The following NTN1 variants were observed in gnomAD, a reference collection of about 807,000 sequenced individuals.
The protein encoded by NTN1 is netrin-1.
NTN1 carries 11 observed loss-of-function variants against 54.2 expected under a neutral mutation model. That is an observed-to-expected ratio of 0.20 (90% CI 0.13 to 0.34). The LOEUF (loss-of-function observed/expected upper bound fraction) is 0.34. Among genes scored for constraint, NTN1 ranks in the 10% least tolerant of loss-of-function variants. The pLI, the probability that NTN1 is intolerant of heterozygous loss-of-function variation, is 1.00. For synonymous variants in NTN1, 371 were observed against 382.0 expected, an observed-to-expected ratio of 0.97 and a Z score of 0.33; for missense variants, 740 against 893.1, an observed-to-expected ratio of 0.83 and a Z score of 2.18.
chr17:9,224,964 C>G lies in NTN1; in HGVS notation c.1486+3722C>G, dbSNP rs919545888. 5.8e-4 allele frequency among the ~76,000 whole-genome samples: 88 copies of G among 152,146 alleles called. 1 individual carries two copies. The highest frequency in any genetic ancestry group is 1.2e-4 in the Non-Finnish European group (8 of 68,038). ...CAGTCCTGGGGGTGGTGTGGTGTTT[C>G]TGGTTCCAGGACTGTTCCTGGGACT... is the stretch of plus-strand genomic sequence containing the variant. On this transcript the variant is annotated intron_variant, in intron 6 of 6. Coordinates refer to ENST00000173229, the MANE Select transcript of NTN1 (RefSeq NM_004822.3).
At chr17:9,074,683 C>T (rs1597478440) in intron 2 of NTN1, among the ~76,000 whole-genome samples, 2 of 152,188 alleles carry the variant, frequency 1.3e-5, no homozygotes, top group Admixed American at 6.5e-5. Flanking sequence ...AGTCTTGTTA[C>T]TTTACGGCCT....
Position 9,155,870 on chromosome 17 carries a change from A to T in NTN1, c.1019-6943A>T, listed in dbSNP as rs559787349. 3.9e-5 allele frequency among the ~76,000 whole-genome samples: 6 copies of T among 152,302 alleles called. No individual in the cohort carries two copies. In the South Asian group the frequency reaches 1.2e-3, roughly 32 times the overall value. On this transcript the variant is annotated intron_variant, in intron 2 of 6. Transcript: ENST00000173229. ...CTGGTTTCTATCCCTGGATGCAAAC[A>T]GCCCCTCCCTCCCCAGTCATGATAA...
At chr17:9,091,039 C>T (rs1469757038) in intron 2 of NTN1, among the ~76,000 whole-genome samples, 6 of 152,084 alleles carry the variant, frequency 3.9e-5, no homozygotes, top group African/African-American at 1.2e-4. Context: ...GCGGAGGACT[C>T]GGCAGTGCCA....
chr17:9,230,766 C>T (rs1382783278), intron 6 of NTN1, among the ~76,000 whole-genome samples: 1 of 152,144 alleles, frequency 6.6e-6, no homozygotes, highest in South Asian at 2.1e-4. Flanking sequence ...GAAGGGCCCT[C>T]CCTGGGATCT....
chr17:9,022,171 T>G, intron 1 of NTN1, 140 bp from the exon 2 acceptor site: 7 of 516,854 alleles, frequency 1.4e-5, no homozygotes, highest in Non-Finnish European at 1.5e-5. Context: ...CCGCGGGACT[T>G]TGGGGGAGAG....
chr17:9,237,872 G>A lies in NTN1; in HGVS notation c.1487-1768G>A, dbSNP rs140439225. 5.1e-3 allele frequency among the ~76,000 whole-genome samples: 781 copies of A among 152,306 alleles called. 6 individuals are homozygous for A. Among genetic ancestry groups the A allele is most frequent in the South Asian group, 0.021 (99 of 4,822 alleles). On this transcript the variant is annotated intron_variant, in intron 6 of 6. Coordinates refer to ENST00000173229, the MANE Select transcript of NTN1 (RefSeq NM_004822.3). Reference sequence around the variant, plus strand: ...TCCCCCCACCCAGAGTTCACACTGAGTGTTGAGTCCCTTGGTGACAAAAAC... The same window carrying A: ...TCCCCCCACCCAGAGTTCACACTGAATGTTGAGTCCCTTGGTGACAAAAAC...
intron 5 of NTN1, among the ~76,000 whole-genome samples, chr17:9,200,080 C>T (rs1219165264): frequency 6.6e-6 from 1 of 152,244 alleles, no homozygotes; most frequent in African/African-American, 2.4e-5. Flanking sequence ...AGCCAACCAG[C>T]CGGGTGGACG....
chr17:9,091,203 A>T (rs2092109294), intron 2 of NTN1, among the ~76,000 whole-genome samples: 1 of 152,188 alleles, frequency 6.6e-6, no homozygotes, highest in Non-Finnish European at 1.5e-5. Context: ...ACTTTTTATT[A>T]TTATTTAATT....
chr17:9,048,269 G>A (rs560817044), intron 2 of NTN1, among the ~76,000 whole-genome samples: 2 of 152,204 alleles, frequency 1.3e-5, no homozygotes, highest in South Asian at 2.1e-4. Context: ...GAGCTCTTGG[G>A]TGATGAGATG....
chr17:9,074,790 T>A (rs575247739), intron 2 of NTN1, among the ~76,000 whole-genome samples: 2 of 152,344 alleles, frequency 1.3e-5, no homozygotes, highest in African/African-American at 4.8e-5. Context: ...AAAAGTCCTA[T>A]GCAGGTCCAG....
chr17:9,222,796 T>C (rs1450766359), intron 6 of NTN1, among the ~76,000 whole-genome samples: 1 of 152,162 alleles, frequency 6.6e-6, no homozygotes, highest in Admixed American at 6.5e-5. Flanking sequence ...AGGACAGTGG[T>C]CAGGACCTTT....
chr17:9,072,213 C>T (rs1377772464), intron 2 of NTN1, among the ~76,000 whole-genome samples: 1 of 151,832 alleles, frequency 6.6e-6, no homozygotes, highest in Non-Finnish European at 1.5e-5. Context: ...ACACCAGCCC[C>T]CTCCCGGGTG....
intron 6 of NTN1, among the ~76,000 whole-genome samples, chr17:9,230,082 C>G (rs974503336): frequency 6.6e-6 from 1 of 152,170 alleles, no homozygotes; most frequent in Non-Finnish European, 1.5e-5. Flanking sequence ...CTCAGCAGCA[C>G]CCTCTCTCCT....
chr17:9,180,583 G>A (rs2092415876), intron 4 of NTN1, among the ~76,000 whole-genome samples: 1 of 152,194 alleles, frequency 6.6e-6, no homozygotes, highest in African/African-American at 2.4e-5. Context: ...GGATCTGGGT[G>A]GGCCCATTCC....
At chr17:9,155,618 G>A (rs1227626027) in intron 2 of NTN1, among the ~76,000 whole-genome samples, 1 of 151,488 alleles carries the variant, frequency 6.6e-6, no homozygotes. Context: ...TGGGATTACA[G>A]GCGTGAGCCA....
intron 6 of NTN1, among the ~76,000 whole-genome samples, chr17:9,234,373 A>C (rs9903440): frequency 0.17 from 25,203 of 152,078 alleles, 2,048 homozygotes; most frequent in African/African-American, 0.19. Context: ...TGCACAGACG[A>C]GGGGTGGCCC....
intron 6 of NTN1, among the ~76,000 whole-genome samples, chr17:9,229,037 GGTGTGTGGCTGT>G (rs1905706747): frequency 6.6e-6 from 1 of 150,494 alleles, no homozygotes; most frequent in Non-Finnish European, 1.5e-5. Context: ...TGTGTGACTG[GGTGTGTGGCTGT>G]GTGACTATGC....
intron 6 of NTN1, among the ~76,000 whole-genome samples, chr17:9,225,840 A>C (rs988213177): frequency 6.6e-6 from 1 of 152,230 alleles, no homozygotes; most frequent in African/African-American, 2.4e-5. Flanking sequence ...TGGATGTTCC[A>C]GAAGCCGCTA....
chr17:9,055,901 G>GT (rs377554046), intron 2 of NTN1, among the ~76,000 whole-genome samples: 9 of 150,324 alleles, frequency 6.0e-5, no homozygotes, highest in South Asian at 2.1e-4. Context: ...TTTATTTTTT[G>GT]TTTTTTTGTT....
Sources: gnomAD v4.1 joint callset for allele counts (sites outside exome capture counted in the v4.1 genomes callset) on GRCh38, gnomAD v4.1.1 for gene constraint, MANE v1.5 for transcripts, NCBI Gene and HGNC (gene_info 2026-07-23, HGNC 2026-07-21) for gene names.